ZRANB1: variants seen among roughly 807,000 people sequenced by gnomAD.
The protein encoded by ZRANB1 is zinc finger RANBP2-type containing 1.
ZRANB1 carries 16 observed loss-of-function variants against 80.5 expected under a neutral mutation model. The observed-to-expected ratio is 0.20, with a 90% CI of 0.13 to 0.30. ZRANB1 has a LOEUF of 0.30. Among genes scored for constraint, ZRANB1 ranks in the 10% least tolerant of loss-of-function variants. The pLI is 1.00. For synonymous variants in ZRANB1, 291 were observed against 293.1 expected (o/e 0.99, Z 0.07); for missense variants, 576 against 862.6 (o/e 0.67, Z 4.16).
the ZRANB1 span, among the ~76,000 whole-genome samples, chr10:124,918,107 C>A: frequency 6.6e-6 from 1 of 152,190 alleles, no homozygotes; most frequent in Non-Finnish European, 1.5e-5. Context: ...CCCCATCTTA[C>A]CAGTATTTTG....
At chr10:124,963,521 A>G (rs920069290) in intron 1 of ZRANB1, among the ~76,000 whole-genome samples, 1 of 147,326 alleles carries the variant, frequency 6.8e-6, no homozygotes, top group Non-Finnish European at 1.5e-5. Context: ...TATGTGAAGA[A>G]CTCAGATATT....
chr10:124,961,597 G>C (rs962630393), intron 1 of ZRANB1, among the ~76,000 whole-genome samples: 4 of 152,106 alleles, frequency 2.6e-5, no homozygotes, highest in Non-Finnish European at 1.5e-5. Flanking sequence ...CACAAGAGTG[G>C]GTTGTTAACA....
At chr10:124,938,706 G>GT (rs546217856), upstream of ZRANB1, among the ~76,000 whole-genome samples, 1,694 of 146,862 alleles carry the variant, frequency 0.012, 19 homozygotes, top group African/African-American at 0.033. Flanking sequence ...ACATCATTAC[G>GT]TTTTTTTTTT....
At chr10:124,978,294 A>G (rs549994266) in intron 5 of ZRANB1, among the ~76,000 whole-genome samples, 2 of 152,226 alleles carry the variant, frequency 1.3e-5, no homozygotes, top group South Asian at 4.1e-4. Flanking sequence ...GTCTCCTTTT[A>G]AAGATGCTCT....
At chr10:124,976,663 C>G (rs1483355217) in intron 5 of ZRANB1, among the ~76,000 whole-genome samples, 2 of 143,196 alleles carry the variant, frequency 1.4e-5, no homozygotes, top group Non-Finnish European at 3.0e-5. Flanking sequence ...CCTCTGCCTC[C>G]CGGGTTCAAG....
At chr10:124,954,379 A>C (rs910733653) in intron 1 of ZRANB1, among the ~76,000 whole-genome samples, 4 of 151,116 alleles carry the variant, frequency 2.6e-5, no homozygotes, top group African/African-American at 4.9e-5. Flanking sequence ...ATTTAAAACC[A>C]TCTAATTGCC....
chr10:124,923,840 C>G, the ZRANB1 span, among the ~76,000 whole-genome samples: 1 of 151,746 alleles, frequency 6.6e-6, no homozygotes, highest in African/African-American at 2.4e-5. Flanking sequence ...CCACCGGGTC[C>G]CTCCCTTGAC....
chr10:124,939,961 C>T (rs1453877932), upstream of ZRANB1, among the ~76,000 whole-genome samples: 1 of 95,024 alleles, frequency 1.1e-5, no homozygotes, highest in East Asian at 3.9e-4. Context: ...TTTTATATTA[C>T]TTGGATCAGG....
the ZRANB1 span, among the ~76,000 whole-genome samples, chr10:124,922,281 A>AATATATATATATATGTAAAAT: frequency 0.044 from 3,803 of 85,694 alleles, 74 homozygotes; most frequent in Admixed American, 0.064. Context: ...ATATATGTAA[A>AATATATATATATATGTAAAAT]ATATATATAT....
At chr10:124,966,473 G>A (rs1207729914) in intron 1 of ZRANB1, 121 bp from the exon 2 acceptor site, 4 of 927,632 alleles carry the variant, frequency 4.3e-6, no homozygotes, top group Non-Finnish European at 6.6e-6. Context: ...ACATTTAAAT[G>A]ATGCATCAGG....
intron 1 of ZRANB1, among the ~76,000 whole-genome samples, chr10:124,966,375 T>TGG (rs1293563471): frequency 6.6e-6 from 1 of 151,968 alleles, no homozygotes; most frequent in African/African-American, 2.4e-5. Flanking sequence ...CCTGCACTGA[T>TGG]GGTAAGGTAA....
At chr10:124,974,129 T>C in intron 4 of ZRANB1, 71 bp from the exon 5 acceptor site, 1 of 1,488,544 alleles carries the variant, frequency 6.7e-7, no homozygotes, top group Non-Finnish European at 9.3e-7. Context: ...AGAAAATAGG[T>C]TCTTCTCCCC....
the ZRANB1 span, among the ~76,000 whole-genome samples, chr10:124,926,258 A>C: frequency 6.6e-6 from 1 of 152,244 alleles, no homozygotes; most frequent in Non-Finnish European, 1.5e-5. Flanking sequence ...GTTTATTTAA[A>C]AAATTTTCTT....
upstream of ZRANB1, among the ~76,000 whole-genome samples, chr10:124,938,802 A>T (rs1376208566): frequency 1.3e-5 from 2 of 150,376 alleles, no homozygotes; most frequent in Middle Eastern, 3.4e-3. Context: ...GAACTCCTGT[A>T]CTCAAATGAT....
chr10:124,924,150 C>T, the ZRANB1 span, among the ~76,000 whole-genome samples: 1 of 151,696 alleles, frequency 6.6e-6, no homozygotes, highest in Non-Finnish European at 1.5e-5. Context: ...GTGATCTGCC[C>T]GCCTTGGCCT....
At chr10:124,922,336 A>ATATATATTT in the ZRANB1 span, among the ~76,000 whole-genome samples, 163 of 44,724 alleles carry the variant, frequency 3.6e-3, 3 homozygotes, top group African/African-American at 8.0e-3. Context: ...GTATATATAT[A>ATATATATTT]TTTTTTTTTT....
In ZRANB1 at chr10:124,987,194, T is replaced by TAGAC. The variant is rs1225599470; in HGVS notation, c.*2205_*2206insCAGA. 6.6e-6 allele frequency: 1 copy of TAGAC among 152,392 alleles called. No homozygotes were observed. The highest frequency in any genetic ancestry group is 1.9e-4 in the East Asian group (1 of 5,188). 9.4% of individuals were successfully genotyped at this position (152,392 alleles called of 1,614,324 possible). A position where few individuals can be genotyped will look rare whatever the true frequency, so the allele number is the denominator to read the frequency against. ...AACAGCCATAATTATTGTCCCAAGA[T>TAGAC]AGAATATAGTCCTTTTTCAAAGATG... On this transcript the variant is annotated 3_prime_UTR_variant, in exon 9 of 9. Coordinates refer to ENST00000359653, the MANE Select transcript of ZRANB1 (RefSeq NM_017580.3).
At chr10:124,917,962 T>G in the ZRANB1 span, among the ~76,000 whole-genome samples, 1 of 152,174 alleles carries the variant, frequency 6.6e-6, no homozygotes, top group African/African-American at 2.4e-5. Context: ...CAGTTTAGGT[T>G]AAGCCTGGAA....
chr10:124,959,569 G>A (rs540535214), intron 1 of ZRANB1, among the ~76,000 whole-genome samples: 1 of 152,072 alleles, frequency 6.6e-6, no homozygotes, highest in East Asian at 1.9e-4. Context: ...TGGGCTCAAG[G>A]GATCCTCTCA....
Sources: allele counts gnomAD v4.1 joint callset (sites outside exome capture counted in the v4.1 genomes callset), GRCh38; gene constraint gnomAD v4.1.1; transcripts MANE v1.5; gene names NCBI Gene and HGNC (gene_info 2026-07-23, HGNC 2026-07-21).